PBRM1: variants seen among roughly 807,000 people sequenced by gnomAD.
PBRM1 encodes the protein protein polybromo-1.
PBRM1 carries 27 observed loss-of-function variants against 194.5 expected under a neutral mutation model. That is an observed-to-expected ratio of 0.14 (90% CI 0.10 to 0.19). The LOEUF is 0.19. Among genes scored for constraint, PBRM1 ranks in the 10% least tolerant of loss-of-function variants. The pLI, the probability that PBRM1 is intolerant of heterozygous loss-of-function variation, is 1.00. For synonymous variants in PBRM1, 655 were observed against 693.2 expected, an observed-to-expected ratio of 0.94 and a Z score of 0.87; for missense variants, 1,466 against 2,077.2, an observed-to-expected ratio of 0.71 and a Z score of 5.72.
intron 17 of PBRM1, among the ~76,000 whole-genome samples, chr3:52,592,122 G>GT (rs1168998355): frequency 0.021 from 2,557 of 120,272 alleles, 36 homozygotes; most frequent in Non-Finnish European, 0.025. Flanking sequence ...ACTGCACCAG[G>GT]TTTTTTTTTT....
intron 22 of PBRM1, among the ~76,000 whole-genome samples, chr3:52,575,828 T>C (rs1227537662): frequency 1.3e-5 from 2 of 152,016 alleles, no homozygotes; most frequent in African/African-American, 2.4e-5. Context: ...ATCAACTGTT[T>C]TAAATATACT....
chr3:52,591,452 T>G (rs973961134), intron 17 of PBRM1, among the ~76,000 whole-genome samples: 10 of 151,968 alleles, frequency 6.6e-5, no homozygotes, highest in Non-Finnish European at 1.3e-4. Context: ...TTATCTAGAG[T>G]TTTTAATATG....
chr3:52,612,103 C>T (rs1205477012), intron 15 of PBRM1, among the ~76,000 whole-genome samples: 4 of 151,178 alleles, frequency 2.6e-5, no homozygotes, highest in Admixed American at 2.6e-4. Context: ...ACTAAAAATA[C>T]ACAAAAATCA....
intron 10 of PBRM1, among the ~76,000 whole-genome samples, chr3:52,641,470 A>G (rs936082575): frequency 6.6e-6 from 1 of 151,120 alleles, no homozygotes; most frequent in African/African-American, 2.4e-5. Context: ...AAAAGAAAAA[A>G]AAAAGAAAGA....
At chr3:52,570,955 T>A (rs942115304) in intron 22 of PBRM1, among the ~76,000 whole-genome samples, 1 of 151,602 alleles carries the variant, frequency 6.6e-6, no homozygotes. Flanking sequence ...ACTCCTGGTG[T>A]CAAGCGACTC....
chr3:52,586,289 A>G (rs1386038449), intron 20 of PBRM1, 136 bp downstream of exon 22: 1 of 730,744 alleles, frequency 1.4e-6, no homozygotes, highest in East Asian at 2.5e-5. Context: ...TCTTTCTGTT[A>G]TAGTTTCCTT....
chr3:52,673,273 C>T (rs1446964978), intron 2 of PBRM1, among the ~76,000 whole-genome samples: 4 of 151,456 alleles, frequency 2.6e-5, no homozygotes, highest in African/African-American at 9.7e-5. Flanking sequence ...CAGGCATGAG[C>T]CACCGCGCCC....
chr3:52,589,288 A>T (rs2153809215), intron 17 of PBRM1, 33 bp from the exon 20 acceptor site: 1 of 1,426,470 alleles, frequency 7.0e-7, no homozygotes, highest in Middle Eastern at 2.0e-4. Flanking sequence ...TAAAGGAAAA[A>T]GGTACTCACC....
rs568946645 is a variant in PBRM1, at chr3:52,634,841, A to G, written c.1088-26T>C. Reference sequence around the variant, plus strand: ...CTGGAAAGACAAAAAAAGTATTTATAAAGGGACGAATGAGATGAAGAAAGA... The same window carrying G: ...CTGGAAAGACAAAAAAAGTATTTATGAAGGGACGAATGAGATGAAGAAAGA... On this transcript the variant is annotated intron_variant, in intron 10 of 29. Coordinates refer to ENST00000296302, the Ensembl canonical transcript of PBRM1. The G allele has an allele frequency of 2.0e-6, 3 of 1,504,662 alleles. No homozygotes were observed. In the Admixed American group the frequency reaches 5.1e-5, roughly 26 times the overall value. The allele number at this position is 1,504,662 out of a possible 1,614,324, so 93.2% of individuals were successfully genotyped here. A position where few individuals can be genotyped will look rare whatever the true frequency, so the allele number is the denominator to read the frequency against.
At chr3:52,589,212 T>G in exon 18 of PBRM1, 1 of 1,576,656 alleles carries the variant, frequency 6.3e-7, no homozygotes, top group Non-Finnish European at 8.6e-7. Context: ...GATGTAAGCC[T>G]GAGAGGCCTG....
intron 29 of PBRM1, 121 bp from the exon 32 acceptor site, chr3:52,548,356 A>T (rs2079990936): frequency 1.7e-6 from 1 of 578,242 alleles, no homozygotes; most frequent in East Asian, 3.4e-5. Context: ...AAATATTATG[A>T]ATTTTAACTG....
intron 4 of PBRM1, 96 bp from the exon 6 acceptor site, chr3:52,658,411 ACT>A: frequency 1.6e-6 from 1 of 612,038 alleles, no homozygotes; most frequent in Non-Finnish European, 2.8e-6. Flanking sequence ...CAAAACAGCA[ACT>A]TTTTTTTTTT....
intron 13 of PBRM1, 95 bp from the exon 15 acceptor site, chr3:52,625,036 T>C (rs2095403562): frequency 7.1e-6 from 6 of 850,044 alleles, no homozygotes; most frequent in Non-Finnish European, 1.2e-5. Flanking sequence ...AAGAAAAAGA[T>C]TATTCAGTCC....
At chr3:52,600,837 C>G (rs933414295) in intron 17 of PBRM1, among the ~76,000 whole-genome samples, 1 of 152,152 alleles carries the variant, frequency 6.6e-6, no homozygotes, top group Admixed American at 6.5e-5. Context: ...CAGGGTTTCA[C>G]CATGTTGGCC....
intron 17 of PBRM1, among the ~76,000 whole-genome samples, chr3:52,598,664 C>T (rs2093749458): frequency 6.6e-6 from 1 of 151,998 alleles, no homozygotes; most frequent in South Asian, 2.1e-4. Context: ...AGGGGGGATC[C>T]CTTGAGCCCA....
intron 5 of PBRM1, among the ~76,000 whole-genome samples, chr3:52,656,844 G>A (rs2096617148): frequency 1.3e-5 from 2 of 152,128 alleles, no homozygotes; most frequent in South Asian, 2.1e-4. Flanking sequence ...TGGGAGAATC[G>A]CTTGAGCCCA....
chr3:52,558,165 A>C (rs1166801684), intron 26 of PBRM1, 84 bp downstream of exon 28: 1 of 947,906 alleles, frequency 1.1e-6, no homozygotes, highest in Non-Finnish European at 1.6e-6. Context: ...AAGGCAATAG[A>C]CTGTGGCCTA....
intron 2 of PBRM1, among the ~76,000 whole-genome samples, chr3:52,672,187 GTC>G (rs1428441296): frequency 6.6e-6 from 1 of 152,108 alleles, no homozygotes. Flanking sequence ...TTGGCTTGTA[GTC>G]TCCTTCCTCC....
At chr3:52,562,566 A>G (rs1324885561) in intron 24 of PBRM1, among the ~76,000 whole-genome samples, 7 of 142,486 alleles carry the variant, frequency 4.9e-5, no homozygotes, top group African/African-American at 1.9e-4. Context: ...TTTAAATGAT[A>G]CAGGGTCTTG....
Sources: allele counts gnomAD v4.1 joint callset (sites outside exome capture counted in the v4.1 genomes callset), GRCh38; gene constraint gnomAD v4.1.1; transcripts MANE v1.5; gene names NCBI Gene and HGNC (gene_info 2026-07-23, HGNC 2026-07-21).